UPF2: variants seen among roughly 807,000 people sequenced by gnomAD.
UPF2 encodes regulator of nonsense transcripts 2.
A neutral mutation model predicts 141.4 loss-of-function variants in UPF2; 17 were observed. That is an observed-to-expected ratio of 0.12 (90% CI 0.08 to 0.18). The LOEUF is 0.18. UPF2 is among the 10% of genes least tolerant of loss of function. UPF2 has a pLI of 1.00. For missense variants in UPF2, 1,152 were observed against 1,515.9 expected, an observed-to-expected ratio of 0.76 and a Z score of 3.99; for synonymous variants, 540 against 498.0, an observed-to-expected ratio of 1.08 and a Z score of -1.12.
chr10:12,002,328 G>C (rs1833967033), intron 5 of UPF2, among the ~76,000 whole-genome samples: 2 of 152,156 alleles, frequency 1.3e-5, no homozygotes, highest in Non-Finnish European at 2.9e-5. Flanking sequence ...CTCTGATTAT[G>C]TATACCATTT....
chr10:11,997,763 G>A lies in UPF2; in HGVS notation c.1759-6C>T. 2.5e-6 allele frequency: 4 copies of A among 1,613,232 alleles called. No homozygotes were observed. The highest frequency in any genetic ancestry group is 2.5e-6 in the Non-Finnish European group (3 of 1,179,624). ...ATGCAAAAATCCATTGCTGCCTATT[G>A]GGAAAAAGTAAACTTTTTCTTTAAA... On this transcript the variant is annotated splice_polypyrimidine_tract_variant and splice_region_variant and intron_variant, in intron 7 of 21. Transcript: ENST00000357604.
At chr10:11,933,796 T>C (rs1225256009) in intron 19 of UPF2, among the ~76,000 whole-genome samples, 2 of 152,216 alleles carry the variant, frequency 1.3e-5, no homozygotes, top group African/African-American at 4.8e-5. Context: ...ATTCATGTAC[T>C]TCATGAAAGG....
chr10:11,985,651 A>G (rs973011748), intron 8 of UPF2, among the ~76,000 whole-genome samples: 5 of 151,842 alleles, frequency 3.3e-5, no homozygotes, highest in Admixed American at 1.3e-4. Context: ...CAAACAAAAA[A>G]AAAGAATGCT....
At chr10:12,020,606 A>G (rs553623731) in intron 3 of UPF2, among the ~76,000 whole-genome samples, 1 of 152,374 alleles carries the variant, frequency 6.6e-6, no homozygotes, top group East Asian at 1.9e-4. Flanking sequence ...AAGGTCAGGC[A>G]GGCAATCTAT....
At chr10:11,999,381 C>T (rs1833916500) in intron 7 of UPF2, among the ~76,000 whole-genome samples, 1 of 150,984 alleles carries the variant, frequency 6.6e-6, no homozygotes, top group South Asian at 2.1e-4. Context: ...GGCATGATGG[C>T]GCGTGCCTGT....
intron 3 of UPF2, among the ~76,000 whole-genome samples, chr10:12,021,366 C>CAAAAAA (rs780308726): frequency 1.1e-4 from 7 of 64,756 alleles, no homozygotes; most frequent in Admixed American, 1.7e-4. Flanking sequence ...CAAGTCTCTA[C>CAAAAAA]AAAAAAAAAA....
In UPF2 at chr10:12,023,975, T is replaced by C. The variant is rs534068809; in HGVS notation, c.1145+4770A>G. Among the ~76,000 whole-genome samples, 8 of 151,904 alleles carry C rather than the reference T, an allele frequency of 5.3e-5. 1 individual carries two copies. The East Asian group carries it at 1.6e-3, about 29-fold the overall frequency. The stretch of plus-strand genomic sequence containing the variant: ...CTGCACTCCAGCCTGGGTGACAGAG[T>C]GAGACCTTGTCTCAAAAAAACAAAA... On this transcript the variant is annotated intron_variant, in intron 3 of 21. Transcript: ENST00000357604.
intron 8 of UPF2, 93 bp downstream of exon 8, chr10:11,997,579 A>G: frequency 8.7e-7 from 1 of 1,147,152 alleles, no homozygotes; most frequent in Non-Finnish European, 1.3e-6. Context: ...GAATAAAATC[A>G]AAAGCAATAT....
intron 3 of UPF2, among the ~76,000 whole-genome samples, chr10:12,017,440 T>G (rs1449774245): frequency 6.6e-6 from 1 of 152,214 alleles, no homozygotes; most frequent in Non-Finnish European, 1.5e-5. Flanking sequence ...TTCCTCACTT[T>G]CACGTGTGGA....
In UPF2 at chr10:12,029,174, G is replaced by A; in HGVS notation, c.716C>T (p.Ser239Leu). Reference sequence around the variant, plus strand: ...ATGTTTTTTCCAGACCTGAAGAAGTGATGGGGCAAAGTCAGCATAACGCTG... The same window carrying A: ...ATGTTTTTTCCAGACCTGAAGAAGTAATGGGGCAAAGTCAGCATAACGCTG... Reference protein sequence around the residue: ...FHQRYADFAPSLLQVWKKHFE... With the variant: ...FHQRYADFAPLLLQVWKKHFE... The change falls in exon 3 of 22, where the codon TCA becomes TTA. Residue 239 changes from serine (S) to leucine (L), a missense_variant. Physicochemically the swap from Ser to Leu is moderately radical, Grantham distance 145 (BLOSUM62 -2). This residue lies in a region of UPF2 where 739 missense variants were observed against 1,032.2 expected (regional missense o/e 0.72). Coordinates refer to ENST00000357604, the MANE Select transcript of UPF2 (RefSeq NM_015542.4). The A allele has an allele frequency of 6.2e-7, 1 of 1,614,234 alleles. No individual in the cohort carries two copies. Among genetic ancestry groups the A allele is most frequent in the East Asian group, 2.2e-5 (1 of 44,890 alleles).
chr10:12,034,359 G>T (rs547781908), intron 2 of UPF2, among the ~76,000 whole-genome samples: 16 of 150,352 alleles, frequency 1.1e-4, no homozygotes, highest in Non-Finnish European at 1.3e-4. Context: ...GTCTTGCTCT[G>T]TTGCCCAGGC....
At chr10:12,002,242 G>A (rs11597221) in intron 5 of UPF2, among the ~76,000 whole-genome samples, 7,978 of 152,232 alleles carry the variant, frequency 0.052, 285 homozygotes, top group Non-Finnish European at 0.08. Context: ...CTGCACTTGA[G>A]CCTGAGCAAA....
chr10:12,036,210 G>C (rs1270421043), intron 1 of UPF2, among the ~76,000 whole-genome samples: 11 of 152,198 alleles, frequency 7.2e-5, no homozygotes, highest in Non-Finnish European at 1.5e-4. Context: ...TTTGGTTTTA[G>C]AGGAAAGGGG....
At chr10:12,002,065 G>T (rs2131267412) in intron 5 of UPF2, among the ~76,000 whole-genome samples, 1 of 152,286 alleles carries the variant, frequency 6.6e-6, no homozygotes, top group Non-Finnish European at 1.5e-5. Context: ...GAGGTCAGGA[G>T]TTTGAGACCA....
intron 11 of UPF2, among the ~76,000 whole-genome samples, chr10:11,963,539 T>A (rs1394071876): frequency 1.3e-5 from 2 of 152,224 alleles, no homozygotes; most frequent in African/African-American, 4.8e-5. Flanking sequence ...GGTCTCACTA[T>A]GTTGCCAAGG....
intron 19 of UPF2, among the ~76,000 whole-genome samples, chr10:11,934,600 CTTTT>C (rs1564335772): frequency 6.6e-6 from 1 of 152,088 alleles, no homozygotes; most frequent in Non-Finnish European, 1.5e-5. Flanking sequence ...TTATTTATTT[CTTTT>C]TTTGAGACGG....
intron 8 of UPF2, among the ~76,000 whole-genome samples, chr10:11,989,323 A>G (rs1350449704): frequency 6.6e-6 from 1 of 152,212 alleles, no homozygotes; most frequent in Non-Finnish European, 1.5e-5. Context: ...AAATCTATAT[A>G]AAATATGAAA....
intron 16 of UPF2, among the ~76,000 whole-genome samples, chr10:11,947,564 T>C (rs1833016688): frequency 6.6e-6 from 1 of 152,016 alleles, no homozygotes; most frequent in African/African-American, 2.4e-5. Context: ...GGAGGACTGC[T>C]TGAACCCAGG....
chr10:11,955,933 G>C (rs2131189356), intron 13 of UPF2, among the ~76,000 whole-genome samples: 1 of 152,278 alleles, frequency 6.6e-6, no homozygotes, highest in East Asian at 1.9e-4. Context: ...CCTACGGTCA[G>C]GAGTTTGAGA....
Sources: gnomAD v4.1 joint callset for allele counts (sites outside exome capture counted in the v4.1 genomes callset) on GRCh38, gnomAD v4.1.1 for gene constraint, gnomAD v4.1.1 regional missense constraint, MANE v1.5 for transcripts, NCBI Gene and HGNC (gene_info 2026-07-23, HGNC 2026-07-21) for gene names.